KCNMA1: variants seen among roughly 807,000 people sequenced by gnomAD.
The protein encoded by KCNMA1 is Calcium-activated potassium channel subunit alpha-1.
In KCNMA1, 29 loss-of-function variants were observed where a neutral mutation model predicts 140.0. The ratio of observed to expected loss-of-function variants is 0.21; its 90% CI spans 0.15 to 0.28. The LOEUF (loss-of-function observed/expected upper bound fraction) is 0.28, where lower values mean the gene tolerates loss of function less well. Ranked by LOEUF, KCNMA1 falls within the 10% of genes least tolerant of loss-of-function variation. The probability of loss-of-function intolerance (pLI) is 1.00; values close to 1 mark genes in which losing one functional copy is unlikely to be tolerated. For synonymous variants in KCNMA1, 612 were observed against 611.9 expected, an observed-to-expected ratio of 1.00 and a Z score of 0.00; for missense variants, 880 against 1,602.2, an observed-to-expected ratio of 0.55 and a Z score of 7.70.
At chr10:77,494,195 T>C (rs1333340632) in intron 1 of KCNMA1, among the ~76,000 whole-genome samples, 1 of 152,240 alleles carries the variant, frequency 6.6e-6, no homozygotes, top group Non-Finnish European at 1.5e-5. Context: ...ACTCACCACG[T>C]TGCCTTTGAC....
chr10:77,406,443 C>T (rs573615350), intron 1 of KCNMA1, among the ~76,000 whole-genome samples: 1 of 152,320 alleles, frequency 6.6e-6, no homozygotes, highest in African/African-American at 2.4e-5. Context: ...GTGCCCCTGA[C>T]ACCATAAAGC....
chr10:77,368,137 A>G (rs250711), intron 2 of KCNMA1, among the ~76,000 whole-genome samples: 124,735 of 152,198 alleles, frequency 0.82, 51,413 homozygotes, highest in African/African-American at 0.9. Flanking sequence ...CCTGAATAGC[A>G]ACATTGTTTT....
At chr10:77,472,615 C>T (rs184572961) in intron 1 of KCNMA1, among the ~76,000 whole-genome samples, 3 of 152,308 alleles carry the variant, frequency 2.0e-5, no homozygotes, top group Admixed American at 2.0e-4. Context: ...TTAGCCCCAT[C>T]CTACCATGAT....
intron 2 of KCNMA1, among the ~76,000 whole-genome samples, chr10:77,343,834 A>G (rs999927547): frequency 1.3e-5 from 2 of 152,188 alleles, no homozygotes; most frequent in African/African-American, 2.4e-5. Flanking sequence ...TGAATAATTC[A>G]TGTGTTAAGA....
intron 2 of KCNMA1, among the ~76,000 whole-genome samples, chr10:77,279,362 G>A (rs568605855): frequency 9.9e-5 from 15 of 152,262 alleles, no homozygotes; most frequent in East Asian, 5.8e-4. Flanking sequence ...TTGCTGCAGC[G>A]GAAGTGAATG....
chr10:76,935,951 C>T (rs2060446245), intron 23 of KCNMA1, among the ~76,000 whole-genome samples: 1 of 152,166 alleles, frequency 6.6e-6, no homozygotes, highest in Admixed American at 6.5e-5. Flanking sequence ...AAAAGTAGTC[C>T]AAGTTTCTCA....
chr10:77,289,028 C>T (rs972438716), intron 2 of KCNMA1, among the ~76,000 whole-genome samples: 1 of 152,302 alleles, frequency 6.6e-6, no homozygotes, highest in Non-Finnish European at 1.5e-5. Flanking sequence ...TGCTCACTCT[C>T]ATTTTGGGAG....
intron 20 of KCNMA1, among the ~76,000 whole-genome samples, chr10:76,959,907 G>A (rs953095883): frequency 2.6e-5 from 4 of 152,154 alleles, no homozygotes; most frequent in African/African-American, 9.7e-5. Context: ...GTATACATGG[G>A]AAACAAAATA....
At chr10:76,892,433 GT>G (rs2040539826) in intron 25 of KCNMA1, among the ~76,000 whole-genome samples, 1 of 152,074 alleles carries the variant, frequency 6.6e-6, no homozygotes, top group Non-Finnish European at 1.5e-5. Context: ...AAGAATGGGA[GT>G]TTAAAAAAAA....
At chr10:76,915,567 G>A (rs77979351) in intron 23 of KCNMA1, among the ~76,000 whole-genome samples, 1 of 152,194 alleles carries the variant, frequency 6.6e-6, no homozygotes, top group Non-Finnish European at 1.5e-5. Flanking sequence ...AGCATACTGA[G>A]TGAGTCAAGA....
intron 1 of KCNMA1, among the ~76,000 whole-genome samples, chr10:77,576,515 C>T (rs897522645): frequency 2.8e-5 from 4 of 142,922 alleles, no homozygotes; most frequent in South Asian, 2.4e-4. Context: ...GGCAGTACTA[C>T]GTGACATTTA....
At chr10:77,623,676 C>G (rs1464499286) in intron 1 of KCNMA1, among the ~76,000 whole-genome samples, 1 of 151,344 alleles carries the variant, frequency 6.6e-6, no homozygotes, top group African/African-American at 2.4e-5. Flanking sequence ...GCACCCTAGC[C>G]TGGACGACAG....
chr10:77,404,898 TCATC>T (rs1298939623), intron 1 of KCNMA1, among the ~76,000 whole-genome samples: 2 of 146,532 alleles, frequency 1.4e-5, no homozygotes, highest in Admixed American at 1.3e-4. Flanking sequence ...ATAGGAAAAG[TCATC>T]CTTCCCTGAG....
At chr10:77,036,222 C>G (rs970257841) in intron 15 of KCNMA1, among the ~76,000 whole-genome samples, 3 of 152,324 alleles carry the variant, frequency 2.0e-5, no homozygotes, top group African/African-American at 7.2e-5. Flanking sequence ...GCTCTTGGGC[C>G]TTTGGCCACA....
At chr10:77,333,258 G>A (rs1445869309) in intron 2 of KCNMA1, among the ~76,000 whole-genome samples, 1 of 151,612 alleles carries the variant, frequency 6.6e-6, no homozygotes, top group East Asian at 1.9e-4. Context: ...ATCAAGAATG[G>A]CCTGGCACAT....
At chr10:77,272,651 C>T (rs199715503) in intron 2 of KCNMA1, among the ~76,000 whole-genome samples, 5 of 144,026 alleles carry the variant, frequency 3.5e-5, no homozygotes, top group Non-Finnish European at 4.5e-5. Context: ...TATATATATA[C>T]ACATGCATCT....
chr10:77,203,633 C>T (rs2043127538), intron 3 of KCNMA1, among the ~76,000 whole-genome samples: 1 of 151,976 alleles, frequency 6.6e-6, no homozygotes, highest in African/African-American at 2.4e-5. Flanking sequence ...ATGGTACCCG[C>T]AAAATAGGCC....
intron 14 of KCNMA1, 75 bp from the exon 15 acceptor site, chr10:77,039,712 T>C: frequency 1.1e-6 from 1 of 893,266 alleles, no homozygotes; most frequent in Non-Finnish European, 1.9e-6. Flanking sequence ...AGTTACACTC[T>C]TAGGCAAACA....
intron 14 of KCNMA1, among the ~76,000 whole-genome samples, chr10:77,068,818 T>C (rs764809855): frequency 2.9e-5 from 4 of 135,640 alleles, no homozygotes; most frequent in African/African-American, 1.1e-4. Context: ...CCAATGTACA[T>C]TGAAAAACAA....
Sources: gnomAD v4.1 joint callset for allele counts (sites outside exome capture counted in the v4.1 genomes callset) on GRCh38, gnomAD v4.1.1 for gene constraint, MANE v1.5 for transcripts, NCBI Gene and HGNC (gene_info 2026-07-23, HGNC 2026-07-21) for gene names.